GDI2: variants seen among roughly 807,000 people sequenced by gnomAD.
GDI2 encodes the protein GDP dissociation inhibitor 2, also known as rab GDP dissociation inhibitor beta.
GDI2 carries 22 observed loss-of-function variants against 54.2 expected under a neutral mutation model. The ratio of observed to expected loss-of-function variants is 0.41; its 90% CI spans 0.29 to 0.58. The LOEUF (loss-of-function observed/expected upper bound fraction) is 0.58. GDI2 is among the 20% of genes least tolerant of loss of function. The pLI, the probability that GDI2 is intolerant of heterozygous loss-of-function variation, is 0.35. For missense variants in GDI2, 422 were observed against 546.0 expected, an observed-to-expected ratio of 0.77 and a Z score of 2.26; for synonymous variants, 177 against 182.1, an observed-to-expected ratio of 0.97 and a Z score of 0.23.
At chr10:5,805,655 G>T (rs538375359) in intron 1 of GDI2, among the ~76,000 whole-genome samples, 1 of 152,288 alleles carries the variant, frequency 6.6e-6, no homozygotes, top group East Asian at 1.9e-4. Context: ...CAAAGTGCTG[G>T]GATTACAGGT....
In GDI2 at chr10:5,766,298, G is replaced by A. The variant is rs1244302430; in HGVS notation, c.1137-3C>T. 5.0e-6 allele frequency: 8 copies of A among 1,610,868 alleles called. No homozygotes were observed. The East Asian group carries it at 1.8e-4, about 36-fold the overall frequency. On this transcript the variant is annotated splice_region_variant and splice_polypyrimidine_tract_variant and intron_variant, in intron 9 of 10. Coordinates refer to ENST00000380191, the MANE Select transcript of GDI2 (RefSeq NM_001494.4). The surrounding 1 kb of genome is among the most constrained non-coding windows in gnomAD (Gnocchi z 5.8). ...GGAGGTCACTGATGCTAACAAATCT[G>A]GAGGGAGAGAGAATTCAGTCAGGTG...
chr10:5,805,448 C>T (rs1196934947), intron 1 of GDI2, among the ~76,000 whole-genome samples: 1 of 150,928 alleles, frequency 6.6e-6, no homozygotes, highest in Non-Finnish European at 1.5e-5. Context: ...GTGGTGTGAT[C>T]ATGGCTCACT....
chr10:5,806,829 CA>C (rs1221302077), intron 1 of GDI2, among the ~76,000 whole-genome samples: 2 of 152,120 alleles, frequency 1.3e-5, no homozygotes, highest in Admixed American at 6.5e-5. Flanking sequence ...TCCCAGCTGA[CA>C]AAAGTAGACT....
At chr10:5,792,863 G>A (rs940125708) in intron 4 of GDI2, among the ~76,000 whole-genome samples, 7 of 145,772 alleles carry the variant, frequency 4.8e-5, no homozygotes, top group Admixed American at 2.1e-4. Flanking sequence ...ACTGCCAAAC[G>A]ATAATTTCTA....
chr10:5,799,117 G>A (rs1841209455), intron 2 of GDI2, among the ~76,000 whole-genome samples: 1 of 152,090 alleles, frequency 6.6e-6, no homozygotes, highest in Non-Finnish European at 1.5e-5. Flanking sequence ...CAAGGTAGGA[G>A]GATCACTTGA....
chr10:5,786,657 T>C (rs1840888255), intron 4 of GDI2, among the ~76,000 whole-genome samples: 1 of 152,176 alleles, frequency 6.6e-6, no homozygotes, highest in Non-Finnish European at 1.5e-5. Flanking sequence ...ACAAGGTAAA[T>C]GTGACTCTGA....
chr10:5,771,590 C>CA (rs957831271), intron 7 of GDI2, among the ~76,000 whole-genome samples: 1 of 151,632 alleles, frequency 6.6e-6, no homozygotes, highest in Non-Finnish European at 1.5e-5. Flanking sequence ...GGTGTCCTGA[C>CA]AAAAAATAAA....
intron 3 of GDI2, among the ~76,000 whole-genome samples, chr10:5,796,306 G>C (rs1466289945): frequency 6.7e-6 from 1 of 148,374 alleles, no homozygotes; most frequent in Non-Finnish European, 1.5e-5. Flanking sequence ...CCAAGATCAT[G>C]CCACTGCACT....
chr10:5,808,214 A>G (rs1199017507), intron 1 of GDI2, among the ~76,000 whole-genome samples: 1 of 152,082 alleles, frequency 6.6e-6, no homozygotes, highest in Admixed American at 6.6e-5. Context: ...GTTCCAGCTA[A>G]CTTGGGAAGC....
chr10:5,782,677 T>TA (rs1840786084), intron 6 of GDI2, among the ~76,000 whole-genome samples: 1 of 152,174 alleles, frequency 6.6e-6, no homozygotes, highest in Non-Finnish European at 1.5e-5. Context: ...CTCACACCTG[T>TA]AATCCCAGCA....
At chr10:5,800,445 A>G (rs975006909) in intron 2 of GDI2, among the ~76,000 whole-genome samples, 153 bp downstream of exon 2, 7 of 152,228 alleles carry the variant, frequency 4.6e-5, no homozygotes, top group Non-Finnish European at 8.8e-5. Context: ...GTAAATTTCT[A>G]TGAGCTTCAA....
At chr10:5,795,440 G>C (rs1020545595) in intron 3 of GDI2, among the ~76,000 whole-genome samples, 1 of 152,112 alleles carries the variant, frequency 6.6e-6, no homozygotes, top group Non-Finnish European at 1.5e-5. Context: ...CTCCAAAGCT[G>C]TATTTTAAAT....
Position 5,786,165 on chromosome 10 carries a change from A to ATTTTT in GDI2, c.389-120_389-116dup, listed in dbSNP as rs35328258. ...TATCAACTGCGGAATGCAGGATGCA[A>ATTTTT]TTTTTTTTTTTTTTTTTTTTTTTGA... On this transcript the variant is annotated intron_variant, in intron 4 of 10. Transcript: ENST00000380191. The ATTTTT allele has an allele frequency of 1.6e-3, 626 of 384,626 alleles. 3 individuals are homozygous for ATTTTT. Among genetic ancestry groups the ATTTTT allele is most frequent in the African/African-American group, 3.4e-3 (120 of 35,050 alleles). 23.8% of individuals were successfully genotyped at this position (384,626 alleles called of 1,614,324 possible). A position where few individuals can be genotyped will look rare whatever the true frequency, so the allele number is the denominator to read the frequency against.
At chr10:5,787,225 C>A (rs1840899211) in intron 4 of GDI2, among the ~76,000 whole-genome samples, 1 of 152,178 alleles carries the variant, frequency 6.6e-6, no homozygotes, top group Non-Finnish European at 1.5e-5. Context: ...TGAGGCTGGT[C>A]AGGTCGTAGT....
Position 5,766,014 on chromosome 10 carries a change from C to T in GDI2, c.1330G>A (p.Glu444Lys), listed in dbSNP as rs1840317875. Residue 444 changes from glutamate to lysine, a missense_variant, in exon 11 of 11, where the codon GAA (glutamate) becomes AAA (lysine). Transcript: ENST00000380191. This position sits in a 1 kb window ranked among gnomAD's most constrained non-coding sequence, Gnocchi z 5.8. Reference protein sequence around the residue: ...MKRKKNDIYGED With the variant: ...MKRKKNDIYGKD ...AATAACATGTACTGCTGTTAGTCTT[C>T]CCCATAGATGTCATTCTTCTTGCGC... 6.3e-7 allele frequency: 1 copy of T among 1,578,318 alleles called. No individual in the cohort carries two copies.
intron 7 of GDI2, among the ~76,000 whole-genome samples, chr10:5,773,058 A>C (rs1341262611): frequency 5.3e-5 from 8 of 152,074 alleles, no homozygotes; most frequent in Admixed American, 5.2e-4. Context: ...GCCCCAAGTC[A>C]GTCCTGTATT....
intron 3 of GDI2, 147 bp downstream of exon 3, chr10:5,796,616 C>A (rs997765442): frequency 3.6e-6 from 2 of 555,728 alleles, no homozygotes; most frequent in Non-Finnish European, 6.5e-6. Flanking sequence ...TGACTCCAGA[C>A]ATCTAATGGA....
intron 7 of GDI2, among the ~76,000 whole-genome samples, chr10:5,770,229 G>A (rs1009164090): frequency 6.6e-6 from 1 of 152,300 alleles, no homozygotes; most frequent in African/African-American, 2.4e-5. Context: ...AGCAGAGAAC[G>A]AGGAGTTATT....
rs377309472 is a variant in GDI2, at chr10:5,785,284, G to A, written c.588-11C>T. ...GGTTGATCTAAGTAACTGGAAGAAA[G>A]GAAATGAGTATTAGGAAAGGGCTTT... On this transcript the variant is annotated splice_polypyrimidine_tract_variant and intron_variant, in intron 5 of 10. Transcript: ENST00000380191. 1.3e-6 allele frequency: 2 copies of A among 1,572,838 alleles called. No homozygotes were observed. Among genetic ancestry groups the A allele is most frequent in the Non-Finnish European group, 1.7e-6 (2 of 1,148,594 alleles).
Sources: allele counts gnomAD v4.1 joint callset (sites outside exome capture counted in the v4.1 genomes callset), GRCh38; gene constraint gnomAD v4.1.1; non-coding constraint Gnocchi (gnomAD v3.1); transcripts MANE v1.5; gene names NCBI Gene and HGNC (gene_info 2026-07-23, HGNC 2026-07-21).